The following NEMP2 variants were observed in gnomAD, a reference collection of about 807,000 sequenced individuals.
The protein encoded by NEMP2 is nuclear envelope integral membrane protein 2, also known as UPF0571 transmembrane protein.
Under a neutral mutation model 54.2 loss-of-function variants are expected in NEMP2, and 53 were observed. The observed-to-expected ratio is 0.98, with a 90% CI of 0.78 to 1.23. NEMP2 has a LOEUF of 1.23. Ranked by LOEUF, NEMP2 falls within the 50% of genes most tolerant of loss-of-function variation. NEMP2 has a pLI of 0.00. For synonymous variants in NEMP2, 197 were observed against 190.3 expected, an observed-to-expected ratio of 1.04 and a Z score of -0.29; for missense variants, 455 against 511.3, an observed-to-expected ratio of 0.89 and a Z score of 1.06.
the NEMP2 span, among the ~76,000 whole-genome samples, chr2:190,483,128 G>A: frequency 2.0e-5 from 3 of 151,418 alleles, no homozygotes; most frequent in Non-Finnish European, 2.9e-5. Context: ...TCCTGACCTC[G>A]TGATCCACCC....
At chr2:190,570,683 G>A in the NEMP2 span, among the ~76,000 whole-genome samples, 1 of 152,162 alleles carries the variant, frequency 6.6e-6, no homozygotes, top group Non-Finnish European at 1.5e-5. The surrounding 1 kb of genome is among the most constrained non-coding windows in gnomAD (Gnocchi z 5.4). Context: ...TTTCCATTTG[G>A]GTCTCCCTAG....
chr2:190,479,522 T>A, the NEMP2 span, among the ~76,000 whole-genome samples: 68 of 152,302 alleles, frequency 4.5e-4, no homozygotes, highest in African/African-American at 1.6e-3. Flanking sequence ...AAAGAACAAT[T>A]AAACATTCAT....
rs1690220822 is a variant in NEMP2 at position 190,507,519 on chromosome 2, CAG to C, written c.*1668_*1669del. The C allele has an allele frequency of 6.6e-6, 1 of 152,106 alleles. No individual in the cohort carries two copies. The highest frequency in any genetic ancestry group is 1.5e-5 in the Non-Finnish European group (1 of 68,010). The allele number at this position is 152,106 out of a possible 1,614,324, so 9.4% of individuals were successfully genotyped here. A position where few individuals can be genotyped will look rare whatever the true frequency, so the allele number is the denominator to read the frequency against. On this transcript the variant is annotated 3_prime_UTR_variant, in exon 9 of 9. Transcript: ENST00000409150. This position sits in a 1 kb window ranked among gnomAD's most constrained non-coding sequence, Gnocchi z 4.4. ...CACCAATAAATATAATTTAAAAAAA[CAG>C]ATTAAACCATAAGAAAAATATTCAA...
rs919472131 is a variant in NEMP2, at chr2:190,528,631, A to C, written c.98-3253T>G. 3.3e-5 allele frequency among the ~76,000 whole-genome samples: 5 copies of C among 152,148 alleles called. No individual in the cohort carries two copies. The East Asian group carries it at 9.6e-4, about 29-fold the overall frequency. On this transcript the variant is annotated intron_variant, in intron 1 of 8. Transcript: ENST00000409150. This position sits in a 1 kb window ranked among gnomAD's most constrained non-coding sequence, Gnocchi z 4.3. ...GGGCTTTTCTTGTGGGTGCCTCCAA[A>C]GGTCCCTCACTGCAATTCTTCTAGT...
the NEMP2 span, among the ~76,000 whole-genome samples, chr2:190,552,197 A>G: frequency 2.0e-5 from 3 of 152,100 alleles, no homozygotes; most frequent in Admixed American, 2.0e-4. Context: ...AAGTCTGTCA[A>G]GTTTCATTGC....
chr2:190,544,235 C>T, the NEMP2 span, among the ~76,000 whole-genome samples: 1 of 152,076 alleles, frequency 6.6e-6, no homozygotes, highest in Non-Finnish European at 1.5e-5. Context: ...TTTTTCTTAG[C>T]ATATTTCATT....
At chr2:190,459,488 G>A in the NEMP2 span, among the ~76,000 whole-genome samples, 2 of 152,000 alleles carry the variant, frequency 1.3e-5, no homozygotes, top group Non-Finnish European at 2.9e-5. This position sits in a 1 kb window ranked among gnomAD's most constrained non-coding sequence, Gnocchi z 5.3. Context: ...GTGTGTGTGT[G>A]AATATGTTCA....
chr2:190,518,852 T>A (rs946115279), intron 3 of NEMP2, 44 bp from the exon 4 acceptor site: 2 of 1,519,874 alleles, frequency 1.3e-6, no homozygotes, highest in African/African-American at 2.8e-5. Context: ...AGATTTTTTA[T>A]CAATGTAATG....
the NEMP2 span, among the ~76,000 whole-genome samples, chr2:190,638,446 T>C: frequency 1.3e-5 from 2 of 152,098 alleles, no homozygotes; most frequent in Non-Finnish European, 2.9e-5. This position sits in a 1 kb window ranked among gnomAD's most constrained non-coding sequence, Gnocchi z 5.7. Context: ...TCAGAGGATC[T>C]GGACAGAAGC....
the NEMP2 span, among the ~76,000 whole-genome samples, chr2:190,463,192 T>A: frequency 6.6e-6 from 1 of 152,220 alleles, no homozygotes; most frequent in Non-Finnish European, 1.5e-5. This position sits in a 1 kb window ranked among gnomAD's most constrained non-coding sequence, Gnocchi z 4.4. Flanking sequence ...GGGACAGTTA[T>A]GAGAAAACAA....
At chr2:190,431,328 C>T in the NEMP2 span, among the ~76,000 whole-genome samples, 7 of 152,314 alleles carry the variant, frequency 4.6e-5, no homozygotes, top group African/African-American at 9.6e-5. This position sits in a 1 kb window ranked among gnomAD's most constrained non-coding sequence, Gnocchi z 4.4. Flanking sequence ...GCTGCAATCT[C>T]GGCACTTTGG....
the NEMP2 span, among the ~76,000 whole-genome samples, chr2:190,428,939 C>T: frequency 6.6e-6 from 1 of 152,144 alleles, no homozygotes; most frequent in African/African-American, 2.4e-5. Context: ...TCTCAAAGTG[C>T]TGGGATTACA....
chr2:190,518,801 A>G lies in NEMP2; in HGVS notation c.453T>C (p.Asp151=). The part of the protein sequence containing the change: ...YMIHVNRNIM[D]FKLFLVFVAG... ...CCACAAACACAAGGAAGAGTTTGAA[A>G]TCCATGACTGGAGTAAAAAAGACAC... is the stretch of plus-strand genomic sequence containing the variant. Residue 151 remains aspartate, a synonymous_variant, in exon 4 of 9, where the codon GAT becomes GAC. Transcript: ENST00000409150. The G allele has an allele frequency of 6.5e-7, 1 of 1,546,176 alleles. No homozygotes were observed. The highest frequency in any genetic ancestry group is 8.7e-7 in the Non-Finnish European group (1 of 1,145,842).
chr2:190,600,552 C>T, the NEMP2 span, among the ~76,000 whole-genome samples: 1 of 152,124 alleles, frequency 6.6e-6, no homozygotes, highest in Admixed American at 6.6e-5. This position sits in a 1 kb window ranked among gnomAD's most constrained non-coding sequence, Gnocchi z 4.9. Context: ...TGGGTGAATC[C>T]TTGCTTTCCT....
intron 3 of NEMP2, 66 bp downstream of exon 3, chr2:190,518,886 A>G (rs1690657604): frequency 6.6e-7 from 1 of 1,516,182 alleles, no homozygotes; most frequent in Non-Finnish European, 8.9e-7. Flanking sequence ...AAAAAAGTCA[A>G]TTTATTGAAA....
At chr2:190,484,218 G>T in the NEMP2 span, among the ~76,000 whole-genome samples, 1 of 152,184 alleles carries the variant, frequency 6.6e-6, no homozygotes, top group Non-Finnish European at 1.5e-5. Context: ...ACTGTTGTCA[G>T]TCAGGGAGTA....
the NEMP2 span, among the ~76,000 whole-genome samples, chr2:190,424,657 G>A: frequency 6.6e-4 from 101 of 152,170 alleles, no homozygotes; most frequent in African/African-American, 1.9e-3. The surrounding 1 kb of genome is among the most constrained non-coding windows in gnomAD (Gnocchi z 5.9). Flanking sequence ...TTTGCCCATG[G>A]ATGTCTAATT....
the NEMP2 span, among the ~76,000 whole-genome samples, chr2:190,457,845 A>G: frequency 1.3e-5 from 2 of 152,240 alleles, no homozygotes; most frequent in Admixed American, 1.3e-4. This position sits in a 1 kb window ranked among gnomAD's most constrained non-coding sequence, Gnocchi z 5.1. Flanking sequence ...AGCGTGCAGC[A>G]TATGCCCCGC....
At chr2:190,439,950 G>A in the NEMP2 span, among the ~76,000 whole-genome samples, 1 of 152,146 alleles carries the variant, frequency 6.6e-6, no homozygotes, top group Admixed American at 6.5e-5. This position sits in a 1 kb window ranked among gnomAD's most constrained non-coding sequence, Gnocchi z 5.8. Flanking sequence ...TGTGATTTGG[G>A]GATTTAAACT....
Sources: allele counts gnomAD v4.1 joint callset (sites outside exome capture counted in the v4.1 genomes callset), GRCh38; gene constraint gnomAD v4.1.1; non-coding constraint Gnocchi (gnomAD v3.1); transcripts MANE v1.5; gene names NCBI Gene and HGNC (gene_info 2026-07-23, HGNC 2026-07-21).